The following ARHGEF3 variants were observed in gnomAD, a reference collection of about 807,000 sequenced individuals.
The protein encoded by ARHGEF3 is 59.8 kDA protein.
Under a neutral mutation model 63.2 loss-of-function variants are expected in ARHGEF3, and 28 were observed. The ratio of observed to expected loss-of-function variants is 0.44; its 90% CI spans 0.33 to 0.61. The LOEUF is 0.61. Ranked by LOEUF, ARHGEF3 falls within the 20% of genes least tolerant of loss-of-function variation. ARHGEF3 has a pLI of 0.03. For synonymous variants in ARHGEF3, 266 were observed against 254.2 expected (o/e 1.05, Z -0.44); for missense variants, 533 against 659.3 (o/e 0.81, Z 2.10).
At chr3:57,035,834 G>A (rs142782912) in intron 1 of ARHGEF3, among the ~76,000 whole-genome samples, 1 of 152,354 alleles carries the variant, frequency 6.6e-6, no homozygotes, top group Non-Finnish European at 1.5e-5. Flanking sequence ...GAATGACAAA[G>A]CAACAAGGTA....
chr3:56,911,430 C>T (rs1234041592), intron 3 of ARHGEF3, among the ~76,000 whole-genome samples: 1 of 152,104 alleles, frequency 6.6e-6, no homozygotes, highest in Non-Finnish European at 1.5e-5. Flanking sequence ...GAACTGCCCA[C>T]CCCGGCCAGT....
intron 1 of ARHGEF3, among the ~76,000 whole-genome samples, chr3:57,058,821 G>T (rs969129828): frequency 1.3e-5 from 2 of 152,034 alleles, no homozygotes; most frequent in African/African-American, 4.8e-5. Flanking sequence ...CATAAAAAAT[G>T]ATGAGTTCAT....
intron 3 of ARHGEF3, among the ~76,000 whole-genome samples, chr3:56,927,298 G>A (rs1309208283): frequency 2.0e-5 from 3 of 152,190 alleles, no homozygotes; most frequent in Non-Finnish European, 4.4e-5. Flanking sequence ...GAGACTATAA[G>A]ATAAACAAGT....
chr3:56,900,589 C>T (rs1330640562), intron 3 of ARHGEF3, among the ~76,000 whole-genome samples: 2 of 152,172 alleles, frequency 1.3e-5, no homozygotes, highest in Non-Finnish European at 2.9e-5. Flanking sequence ...ATGATCACAC[C>T]ACTGCACTCC....
At position 56,895,468 on chromosome 3, in the gene ARHGEF3, A is replaced by T. The variant is rs4073811; in HGVS notation, c.130-13114T>A. Among the ~76,000 whole-genome samples the T allele has an allele frequency of 6.3e-3, 354 of 56,554 alleles. 4 individuals are homozygous for T. Among genetic ancestry groups the T allele is most frequent in the South Asian group, 0.018 (36 of 2,054 alleles). 37.1% of individuals were successfully genotyped at this position (56,554 alleles called of 152,430 possible). A position where few individuals can be genotyped will look rare whatever the true frequency, so the allele number is the denominator to read the frequency against. On this transcript the variant is annotated intron_variant, in intron 3 of 12. Transcript: ENST00000338458. ...GTCCATTGTTCTTATTTATTTATTT[A>T]TTTATTTTTTTTTGAGATGGAGTCT...
chr3:56,845,074 G>A (rs77502174), intron 4 of ARHGEF3, among the ~76,000 whole-genome samples: 2,307 of 152,312 alleles, frequency 0.015, 31 homozygotes, highest in Non-Finnish European at 0.024. Context: ...GGAGCTGAAG[G>A]TGGCCTCCAG....
At chr3:56,730,729 T>A (rs1315395027) in intron 9 of ARHGEF3, among the ~76,000 whole-genome samples, 6 of 152,202 alleles carry the variant, frequency 3.9e-5, no homozygotes, top group Non-Finnish European at 7.3e-5. Context: ...GGGCCCTGCG[T>A]GCCACATGCA....
chr3:56,902,041 C>T (rs4681712), intron 3 of ARHGEF3, among the ~76,000 whole-genome samples: 5,580 of 152,218 alleles, frequency 0.037, 322 homozygotes, highest in East Asian at 0.22. Context: ...CCTTCTTACA[C>T]ACTGAAATCG....
Position 56,885,281 on chromosome 3 carries a change from G to A in ARHGEF3, c.130-2927C>T, listed in dbSNP as rs527699674. On this transcript the variant is annotated intron_variant, in intron 3 of 12. Transcript: ENST00000338458. ...GGTATCAGGAGGAGGTTGAGACTCT[G>A]GGATGTTATCTGTAGAGTAGAAATA... Among the ~76,000 whole-genome samples, 4 of 152,286 alleles carry A rather than the reference G, an allele frequency of 2.6e-5. 1 individual carries two copies. The South Asian group carries it at 8.3e-4, about 32-fold the overall frequency.
intron 3 of ARHGEF3, among the ~76,000 whole-genome samples, chr3:56,951,135 G>C (rs1367351645): frequency 6.6e-6 from 1 of 151,784 alleles, no homozygotes; most frequent in Non-Finnish European, 1.5e-5. Context: ...GTTGTGCGGT[G>C]GGGGGAGGGG....
At chr3:56,827,773 A>C (rs1578618219) in intron 4 of ARHGEF3, among the ~76,000 whole-genome samples, 1 of 104,410 alleles carries the variant, frequency 9.6e-6, no homozygotes, top group South Asian at 3.1e-4. Context: ...AAAAAAAAAA[A>C]CAGAAAAGAA....
intron 3 of ARHGEF3, among the ~76,000 whole-genome samples, chr3:56,937,789 A>G (rs567421801): frequency 4.6e-5 from 7 of 152,206 alleles, no homozygotes; most frequent in Non-Finnish European, 1.0e-4. Flanking sequence ...GAAATGACAG[A>G]GTCACTCATC....
intron 3 of ARHGEF3, among the ~76,000 whole-genome samples, chr3:56,914,472 C>G (rs1314108925): frequency 3.3e-5 from 5 of 152,170 alleles, no homozygotes; most frequent in Admixed American, 6.5e-5. Context: ...GTAAACAGCT[C>G]TCAAATCTTT....
intron 4 of ARHGEF3, among the ~76,000 whole-genome samples, chr3:56,830,228 G>A (rs1433974262): frequency 5.3e-5 from 8 of 152,180 alleles, no homozygotes; most frequent in East Asian, 3.8e-4. Context: ...TAACAGTGAC[G>A]ATGATGGCTG....
chr3:56,752,725 C>G (rs927686957), intron 4 of ARHGEF3, among the ~76,000 whole-genome samples: 2 of 152,230 alleles, frequency 1.3e-5, no homozygotes, highest in African/African-American at 4.8e-5. Context: ...AGTGAAATAA[C>G]TTCTTTGTCC....
At chr3:56,864,938 A>G (rs569884765) in intron 4 of ARHGEF3, among the ~76,000 whole-genome samples, 1 of 152,248 alleles carries the variant, frequency 6.6e-6, no homozygotes, top group East Asian at 1.9e-4. Context: ...TAAGCCCCCA[A>G]ACTAAACAAA....
chr3:57,014,756 C>A (rs551835251), intron 2 of ARHGEF3, among the ~76,000 whole-genome samples: 1 of 151,810 alleles, frequency 6.6e-6, no homozygotes, highest in Admixed American at 6.5e-5. Context: ...TGTCAGCTCA[C>A]CACAAGCTCC....
intron 9 of ARHGEF3, among the ~76,000 whole-genome samples, chr3:56,730,879 C>T (rs1172301477): frequency 1.3e-5 from 2 of 152,158 alleles, no homozygotes; most frequent in Non-Finnish European, 2.9e-5. Flanking sequence ...TACTGCTAGC[C>T]ATCTTTGGCT....
At chr3:56,973,308 C>T (rs1243848285) in intron 2 of ARHGEF3, among the ~76,000 whole-genome samples, 2 of 152,232 alleles carry the variant, frequency 1.3e-5, no homozygotes, top group East Asian at 1.9e-4. Flanking sequence ...TGAGCCACCG[C>T]GCCTGGCATG....
Sources: allele counts gnomAD v4.1 joint callset (sites outside exome capture counted in the v4.1 genomes callset), GRCh38; gene constraint gnomAD v4.1.1; transcripts MANE v1.5; gene names NCBI Gene and HGNC (gene_info 2026-07-23, HGNC 2026-07-21).